RIPOR2: variants seen among roughly 807,000 people sequenced by gnomAD.
RIPOR2 encodes the protein rho family-interacting cell polarization regulator 2.
RIPOR2 carries 39 observed loss-of-function variants against 114.5 expected under a neutral mutation model. The observed-to-expected ratio is 0.34, with a 90% CI of 0.26 to 0.44. The LOEUF is 0.44. Ranked by LOEUF, RIPOR2 falls within the 20% of genes least tolerant of loss-of-function variation. The probability of loss-of-function intolerance (pLI) is 1.00; values close to 1 mark genes in which losing one functional copy is unlikely to be tolerated. For synonymous variants in RIPOR2, 445 were observed against 484.4 expected, an observed-to-expected ratio of 0.92 and a Z score of 1.07; for missense variants, 1,007 against 1,255.1, an observed-to-expected ratio of 0.80 and a Z score of 2.99.
chr6:24,812,937 C>T (rs1581468655), intron 20 of RIPOR2, among the ~76,000 whole-genome samples: 1 of 13,102 alleles, frequency 7.6e-5, no homozygotes, highest in Non-Finnish European at 1.8e-4. Flanking sequence ...AATAGGGAAT[C>T]CTTTCCCCAT....
chr6:25,017,954 C>T (rs1375356043), intron 1 of RIPOR2, among the ~76,000 whole-genome samples: 1 of 152,186 alleles, frequency 6.6e-6, no homozygotes, highest in Non-Finnish European at 1.5e-5. Context: ...AGTTAAAACA[C>T]GTTTCTGCTT....
At chr6:24,997,913 C>G (rs6924192) in intron 1 of RIPOR2, among the ~76,000 whole-genome samples, 5,958 of 152,226 alleles carry the variant, frequency 0.039, 423 homozygotes, top group African/African-American at 0.13. Context: ...CAAAACTTTG[C>G]TTCGGTAAGT....
rs1050360536 is a variant in RIPOR2 at position 24,883,991 on chromosome 6, C to T, written c.62-8174G>A. Among the ~76,000 whole-genome samples, 16 of 152,206 alleles carry T rather than the reference C, an allele frequency of 1.1e-4. No homozygotes were observed. The highest frequency in any genetic ancestry group is 2.9e-4 in the African/African-American group (12 of 41,448). On this transcript the variant is annotated intron_variant, in intron 1 of 21. Transcript: ENST00000643898. The surrounding 1 kb of genome is among the most constrained non-coding windows in gnomAD (Gnocchi z 4.1). The stretch of plus-strand genomic sequence containing the variant: ...GCAAAATAATTATTTAAGATGAAAA[C>T]TAAAGATACACGTCTGCTTATTATA...
chr6:25,010,758 A>C (rs1775745172), intron 1 of RIPOR2, among the ~76,000 whole-genome samples: 1 of 152,208 alleles, frequency 6.6e-6, no homozygotes, highest in Admixed American at 6.5e-5. Context: ...TCTTAAGCCA[A>C]CATTTTTTTA....
chr6:24,899,824 G>A (rs1025258706), intron 1 of RIPOR2, among the ~76,000 whole-genome samples: 2 of 152,124 alleles, frequency 1.3e-5, no homozygotes. Flanking sequence ...GGCGTCAATC[G>A]TTTGCAAGAG....
At chr6:24,919,687 G>T (rs1360244903) in intron 1 of RIPOR2, among the ~76,000 whole-genome samples, 1 of 152,202 alleles carries the variant, frequency 6.6e-6, no homozygotes, top group Non-Finnish European at 1.5e-5. Context: ...GTCACAATGA[G>T]GATAAGCCCT....
intron 12 of RIPOR2, chr6:24,847,591 C>T (rs1378695011): frequency 6.4e-7 from 1 of 1,551,744 alleles, no homozygotes; most frequent in Non-Finnish European, 8.7e-7. Context: ...GGGCAGGTCA[C>T]TGAAGGAGCG....
rs1488857247 is a variant in RIPOR2 at position 24,944,061 on chromosome 6, GC to G, written c.77-68245del. Among the ~76,000 whole-genome samples the G allele has an allele frequency of 9.9e-5, 15 of 152,144 alleles. No individual in the cohort carries two copies. In the South Asian group the frequency reaches 1.9e-3, roughly 19 times the overall value. On this transcript the variant is annotated intron_variant, in intron 1 of 13. Transcript: ENST00000510784. ...AAAAGAAAAAGCTTGGGAATGAGATGCCCATAGGAGACTTTGAAAAGCTCCC... is the reference window on the plus strand; with the variant it reads ...AAAAGAAAAAGCTTGGGAATGAGATGCCATAGGAGACTTTGAAAAGCTCCC...
intron 1 of RIPOR2, among the ~76,000 whole-genome samples, chr6:24,978,237 G>A (rs576592576): frequency 5.9e-5 from 9 of 152,080 alleles, no homozygotes; most frequent in Admixed American, 1.3e-4. Flanking sequence ...TTAAGCTGAA[G>A]GTCGCCACTG....
chr6:24,948,810 C>T lies in RIPOR2; in HGVS notation c.77-72993G>A, dbSNP rs191535229. Among the ~76,000 whole-genome samples, 13 of 152,266 alleles carry T rather than the reference C, an allele frequency of 8.5e-5. No homozygotes were observed. The East Asian group carries it at 2.3e-3, about 27-fold the overall frequency. ...CCTCCCAAAGTGCTGGGATTACAGG[C>T]GTGAGGCACCACGCCCAGCCACTCT... is the stretch of plus-strand genomic sequence containing the variant. On this transcript the variant is annotated intron_variant, in intron 1 of 13. Transcript: ENST00000510784.
At chr6:24,960,995 C>T (rs891676458) in intron 1 of RIPOR2, among the ~76,000 whole-genome samples, 2 of 152,184 alleles carry the variant, frequency 1.3e-5, no homozygotes, top group Admixed American at 1.3e-4. Context: ...TTTCTAGCTG[C>T]TTTTGCTCCT....
chr6:24,922,607 C>T (rs1020916063), intron 1 of RIPOR2, among the ~76,000 whole-genome samples: 10 of 151,872 alleles, frequency 6.6e-5, no homozygotes, highest in Non-Finnish European at 1.3e-4. Context: ...CGCCTGTAAT[C>T]CCAGCACTTT....
chr6:24,985,393 A>G (rs1328805210), intron 1 of RIPOR2, among the ~76,000 whole-genome samples: 2 of 151,936 alleles, frequency 1.3e-5, no homozygotes, highest in Non-Finnish European at 2.9e-5. Flanking sequence ...AACCAGTAAA[A>G]TAAAAGAGAA....
At chr6:25,041,784 T>C (rs1450201184) in intron 1 of RIPOR2, 3 of 680,680 alleles carry the variant, frequency 4.4e-6, no homozygotes, top group East Asian at 5.5e-5. Context: ...GGGCAAGAAA[T>C]GAGTGTGTTG....
chr6:24,854,059 T>G (rs1040023093), intron 8 of RIPOR2, among the ~76,000 whole-genome samples: 3 of 148,396 alleles, frequency 2.0e-5, no homozygotes, highest in Non-Finnish European at 4.4e-5. Flanking sequence ...GTCTAGGCTA[T>G]AGTGAACCGT....
At chr6:24,915,661 C>T (rs952188512) in intron 1 of RIPOR2, among the ~76,000 whole-genome samples, 9 of 152,158 alleles carry the variant, frequency 5.9e-5, no homozygotes, top group African/African-American at 2.2e-4. Context: ...CCGTGCCTGG[C>T]CCCCGTCTCT....
intron 1 of RIPOR2, among the ~76,000 whole-genome samples, chr6:24,985,313 A>C (rs1011502993): frequency 1.3e-5 from 2 of 152,112 alleles, no homozygotes; most frequent in South Asian, 4.1e-4. Flanking sequence ...ACAACAGTTG[A>C]GGTAAACTGG....
chr6:24,981,703 A>G (rs982180154), intron 1 of RIPOR2, among the ~76,000 whole-genome samples: 1 of 151,980 alleles, frequency 6.6e-6, no homozygotes, highest in Non-Finnish European at 1.5e-5. Flanking sequence ...TCGAATTCCT[A>G]CCTCTGCCAC....
At chr6:24,903,989 C>G (rs1206596178) in intron 1 of RIPOR2, among the ~76,000 whole-genome samples, 1 of 152,200 alleles carries the variant, frequency 6.6e-6, no homozygotes, top group African/African-American at 2.4e-5. Flanking sequence ...TGCTGCCTTC[C>G]TTACTGGAGC....
Sources: gnomAD v4.1 joint callset for allele counts (sites outside exome capture counted in the v4.1 genomes callset) on GRCh38, gnomAD v4.1.1 for gene constraint, Gnocchi (gnomAD v3.1) non-coding constraint, MANE v1.5 for transcripts, NCBI Gene and HGNC (gene_info 2026-07-23, HGNC 2026-07-21) for gene names.